SEC24D: variants seen among roughly 807,000 people sequenced by gnomAD.
The protein encoded by SEC24D is protein transport protein Sec24D.
A neutral mutation model predicts 116.9 loss-of-function variants in SEC24D; 69 were observed. The ratio of observed to expected loss-of-function variants is 0.59; its 90% CI spans 0.49 to 0.72. SEC24D has a LOEUF of 0.72. Among genes scored for constraint, SEC24D ranks in the 30% least tolerant of loss-of-function variants. The probability of loss-of-function intolerance (pLI) is 0.00; values close to 1 mark genes in which losing one functional copy is unlikely to be tolerated. For missense variants in SEC24D, 1,131 were observed against 1,264.1 expected (o/e 0.89, Z 1.60); for synonymous variants, 405 against 442.8 (o/e 0.91, Z 1.07).
chr4:118,831,992 C>G (rs1730879528), intron 2 of SEC24D, among the ~76,000 whole-genome samples: 1 of 152,100 alleles, frequency 6.6e-6, no homozygotes. Flanking sequence ...CACGTGAGGT[C>G]AGGAGTTCGA....
intron 2 of SEC24D, among the ~76,000 whole-genome samples, chr4:118,830,309 T>G (rs1168585404): frequency 6.6e-6 from 1 of 152,228 alleles, no homozygotes; most frequent in Non-Finnish European, 1.5e-5. Flanking sequence ...ACGCCTATAA[T>G]CTCAGCACTT....
At chr4:118,758,447 C>G (rs1490567784) in intron 10 of SEC24D, 3 of 152,128 alleles carry the variant, frequency 2.0e-5, no homozygotes, top group African/African-American at 7.2e-5. Context: ...CATAGAACGT[C>G]AGGCGTTTTC....
chr4:118,742,677 T>C (rs1726289022), intron 15 of SEC24D, among the ~76,000 whole-genome samples: 1 of 152,232 alleles, frequency 6.6e-6, no homozygotes, highest in Non-Finnish European at 1.5e-5. Flanking sequence ...CATAATTTTA[T>C]TGATGATTAA....
intron 2 of SEC24D, among the ~76,000 whole-genome samples, chr4:118,829,031 T>G (rs1390392686): frequency 6.6e-6 from 1 of 152,204 alleles, no homozygotes; most frequent in Non-Finnish European, 1.5e-5. Context: ...TAAGTCTTGT[T>G]TAGGTGCCCC....
intron 21 of SEC24D, chr4:118,731,108 C>T (rs560587108): frequency 7.3e-6 from 4 of 547,854 alleles, no homozygotes; most frequent in Non-Finnish European, 9.8e-6. Flanking sequence ...CTATTAAAGT[C>T]ACATATTTTA....
Position 118,815,156 on chromosome 4 carries a change from C to A in SEC24D, c.674-1G>T. Reference sequence around the variant, plus strand: ...CCTGCCATCTGGGGACCAGAGTTGGCTGCTTGGAAAAAATTTAAAGAGAAA... The same window carrying A: ...CCTGCCATCTGGGGACCAGAGTTGGATGCTTGGAAAAAATTTAAAGAGAAA... On this transcript the variant is annotated splice_acceptor_variant, in intron 5 of 22. Coordinates refer to ENST00000280551, the MANE Select transcript of SEC24D (RefSeq NM_014822.4). LOFTEE classifies it high-confidence loss of function. The A allele has an allele frequency of 6.2e-7, 1 of 1,613,620 alleles. No individual in the cohort carries two copies. The highest frequency in any genetic ancestry group is 8.5e-7 in the Non-Finnish European group (1 of 1,179,796).
chr4:118,810,701 C>T (rs796701156), intron 6 of SEC24D, among the ~76,000 whole-genome samples: 10 of 152,278 alleles, frequency 6.6e-5, no homozygotes, highest in African/African-American at 1.9e-4. Context: ...TTTTAATAAG[C>T]TCCCAGATGA....
At chr4:118,826,465 G>C (rs1730595390) in intron 2 of SEC24D, among the ~76,000 whole-genome samples, 1 of 152,044 alleles carries the variant, frequency 6.6e-6, no homozygotes, top group Non-Finnish European at 1.5e-5. Context: ...TTCTAACAAA[G>C]CATATGCAAC....
chr4:118,751,945 T>C, intron 13 of SEC24D, 51 bp downstream of exon 13: 1 of 1,225,440 alleles, frequency 8.2e-7, no homozygotes, highest in Non-Finnish European at 1.2e-6. Context: ...ATTTTTTGTC[T>C]CTCTGTTTTT....
chr4:118,792,552 A>C (rs1189801914), intron 8 of SEC24D, among the ~76,000 whole-genome samples: 1 of 152,236 alleles, frequency 6.6e-6, no homozygotes, highest in African/African-American at 2.4e-5. Flanking sequence ...ACTAAGAAAA[A>C]TTCTTCTGCC....
chr4:118,752,698 T>C lies in SEC24D; in HGVS notation c.1612A>G (p.Asn538Asp). The C allele has an allele frequency of 6.3e-7, 1 of 1,590,300 alleles. No individual in the cohort carries two copies. Among genetic ancestry groups the C allele is most frequent in the Non-Finnish European group, 8.6e-7 (1 of 1,167,914 alleles). Residue 538 changes from asparagine (N) to aspartate (D), a missense_variant and splice_region_variant, in exon 12 of 23, where the codon AAT (asparagine) becomes GAT (aspartate). Transcript: ENST00000280551. ...AATTATAAAACACTTGATATTTACT[T>C]ATGAATCACAGATTGGGATTCTTGA... ...NYQESQSVIH[N>D]LLDQIPDMFA...
At chr4:118,827,173 T>C (rs1447458422) in intron 2 of SEC24D, among the ~76,000 whole-genome samples, 1 of 152,064 alleles carries the variant, frequency 6.6e-6, no homozygotes, top group African/African-American at 2.4e-5. Context: ...GTGGAGAGGC[T>C]GGGAGGGAAA....
intron 19 of SEC24D, among the ~76,000 whole-genome samples, chr4:118,737,541 A>G (rs1398133921): frequency 2.6e-5 from 4 of 152,198 alleles, no homozygotes; most frequent in Non-Finnish European, 5.9e-5. Flanking sequence ...AATGAACTAG[A>G]AAGTTTTCCC....
chr4:118,753,207 T>C (rs1479371992), intron 11 of SEC24D, among the ~76,000 whole-genome samples: 2 of 152,280 alleles, frequency 1.3e-5, no homozygotes, highest in African/African-American at 4.8e-5. Context: ...ATGAATAAGC[T>C]AGGCTTCTTA....
Position 118,833,426 on chromosome 4 carries a change from C to G in SEC24D, c.118+153G>C, listed in dbSNP as rs2303511. ...ACCAAACTAGTGATGTAGAGTTCTGCTATGAGAGCCTTTTCCAAATGATCC... is the reference window on the plus strand; with the variant it reads ...ACCAAACTAGTGATGTAGAGTTCTGGTATGAGAGCCTTTTCCAAATGATCC... On this transcript the variant is annotated intron_variant, in intron 2 of 22. Transcript: ENST00000280551. The G allele has an allele frequency of 8.2e-5, 49 of 600,684 alleles. No individual in the cohort carries two copies. In the East Asian group the frequency reaches 1.3e-3, roughly 17 times the overall value. 37.2% of individuals were successfully genotyped at this position (600,684 alleles called of 1,614,324 possible).
intron 22 of SEC24D, 143 bp from the exon 23 acceptor site, chr4:118,723,798 T>C: frequency 1.1e-6 from 1 of 909,990 alleles, no homozygotes. Flanking sequence ...GGAAAGTGCC[T>C]GATATCTAGA....
chr4:118,818,705 A>C (rs894267138), intron 3 of SEC24D, among the ~76,000 whole-genome samples: 1 of 152,106 alleles, frequency 6.6e-6, no homozygotes, highest in Non-Finnish European at 1.5e-5. Context: ...TGACTTTATA[A>C]TTTAGGACTC....
chr4:118,777,954 G>T (rs538988933), intron 8 of SEC24D, among the ~76,000 whole-genome samples: 6 of 151,838 alleles, frequency 4.0e-5, no homozygotes, highest in African/African-American at 1.2e-4. Flanking sequence ...TTTTGATGGG[G>T]TTGTTTTTTT....
At chr4:118,809,118 C>A (rs553725803) in intron 6 of SEC24D, among the ~76,000 whole-genome samples, 17 of 152,124 alleles carry the variant, frequency 1.1e-4, no homozygotes, top group Non-Finnish European at 2.1e-4. Flanking sequence ...GGACTACAGG[C>A]ATGCACTACC....
Sources: gnomAD v4.1 joint callset for allele counts (sites outside exome capture counted in the v4.1 genomes callset) on GRCh38, gnomAD v4.1.1 for gene constraint, MANE v1.5 for transcripts, NCBI Gene and HGNC (gene_info 2026-07-23, HGNC 2026-07-21) for gene names.